The following WWP2 variants were observed in gnomAD, a reference collection of about 807,000 sequenced individuals.
WWP2 encodes NEDD4-like E3 ubiquitin-protein ligase WWP2.
Under a neutral mutation model 121.0 loss-of-function variants are expected in WWP2, and 57 were observed. The ratio of observed to expected loss-of-function variants is 0.47; its 90% CI spans 0.38 to 0.59. The LOEUF is 0.59. Ranked by LOEUF, WWP2 falls within the 20% of genes least tolerant of loss-of-function variation. The probability of loss-of-function intolerance (pLI) is 0.00; values close to 1 mark genes in which losing one functional copy is unlikely to be tolerated. For synonymous variants in WWP2, 449 were observed against 441.3 expected (o/e 1.02, Z -0.22); for missense variants, 962 against 1,158.9 (o/e 0.83, Z 2.47).
Position 69,906,319 on chromosome 16 carries a change from G to A in WWP2, c.915-2442G>A, listed in dbSNP as rs527906305. Among the ~76,000 whole-genome samples, 54 of 152,094 alleles carry A rather than the reference G, an allele frequency of 3.6e-4. 1 individual carries two copies. Among genetic ancestry groups the A allele is most frequent in the African/African-American group, 1.2e-3 (49 of 41,500 alleles). ...GATCTCCTGACCTTGTGATCTGCCC[G>A]CCTTGGCCTCCCACAGTGCTGGGAT... On this transcript the variant is annotated intron_variant, in intron 8 of 23. Coordinates refer to ENST00000359154, the MANE Select transcript of WWP2 (RefSeq NM_001270454.2).
In WWP2 at chr16:69,917,988, G is replaced by A. The variant is rs115316061; in HGVS notation, c.1179+105G>A. The A allele has an allele frequency of 3.4e-3, 4,718 of 1,380,088 alleles. 144 individuals carry two copies. In the African/African-American group the frequency reaches 0.058, roughly 17 times the overall value. 85.5% of individuals were successfully genotyped at this position (1,380,088 alleles called of 1,614,324 possible). A position where few individuals can be genotyped will look rare whatever the true frequency, so the allele number is the denominator to read the frequency against. Reference sequence around the variant, plus strand: ...CTGCTTAGTGAGCAGGGAAAACAGCGTCTGGCAACGTCAGTGCTCTGCCCC... The same window carrying A: ...CTGCTTAGTGAGCAGGGAAAACAGCATCTGGCAACGTCAGTGCTCTGCCCC... On this transcript the variant is annotated intron_variant, in intron 10 of 23. Coordinates refer to ENST00000359154, the MANE Select transcript of WWP2 (RefSeq NM_001270454.2).
At chr16:69,837,163 A>G (rs1039270119) in intron 4 of WWP2, among the ~76,000 whole-genome samples, 6 of 150,470 alleles carry the variant, frequency 4.0e-5, no homozygotes, top group Non-Finnish European at 1.5e-5. Flanking sequence ...GGACTCAAGC[A>G]ATCCATCCTC....
chr16:69,802,130 A>G (rs1403446217), intron 4 of WWP2, among the ~76,000 whole-genome samples: 4 of 151,790 alleles, frequency 2.6e-5, no homozygotes, highest in East Asian at 1.9e-4. Flanking sequence ...GGGTTTCACT[A>G]TGTTGGCCAG....
At chr16:69,927,669 G>A (rs1448657138) in intron 11 of WWP2, among the ~76,000 whole-genome samples, 1 of 152,246 alleles carries the variant, frequency 6.6e-6, no homozygotes, top group African/African-American at 2.4e-5. Context: ...GGGCAGACGT[G>A]GAGGATCTAG....
At chr16:69,801,193 A>C (rs1180903947) in intron 4 of WWP2, among the ~76,000 whole-genome samples, 7 of 149,492 alleles carry the variant, frequency 4.7e-5, no homozygotes, top group Non-Finnish European at 7.4e-5. Flanking sequence ...AAAAAAAAAA[A>C]AAAAGCAATT....
intron 2 of WWP2, among the ~76,000 whole-genome samples, chr16:69,796,425 A>G (rs6499255): frequency 0.34 from 51,117 of 152,138 alleles, 10,789 homozygotes; most frequent in African/African-American, 0.59. Flanking sequence ...GCAGCTAGGC[A>G]AGATCATCTG....
chr16:69,912,159 C>G (rs903581661), intron 9 of WWP2, among the ~76,000 whole-genome samples: 2 of 151,976 alleles, frequency 1.3e-5, no homozygotes, highest in African/African-American at 4.8e-5. Flanking sequence ...CATGGTGGCA[C>G]ACACCTGTAG....
At chr16:69,818,398 G>A (rs2056535640) in intron 4 of WWP2, among the ~76,000 whole-genome samples, 1 of 151,886 alleles carries the variant, frequency 6.6e-6, no homozygotes, top group South Asian at 2.1e-4. Context: ...GTAGAGATGG[G>A]GTTTCACCAT....
At position 69,937,098 on chromosome 16, in the gene WWP2, T is replaced by C. The variant is rs779994047; in HGVS notation, c.2118-20T>C. 1.2e-6 allele frequency: 2 copies of C among 1,613,132 alleles called. No homozygotes were observed. The highest frequency in any genetic ancestry group is 2.2e-5 in the South Asian group (2 of 90,994). ...AGCAGTGGGTCTCAGACTCCACCCA[T>C]GGCTGCTCTTTGGTCTCAGGCTGCT... is the stretch of plus-strand genomic sequence containing the variant. On this transcript the variant is annotated intron_variant, in intron 19 of 23. Transcript: ENST00000359154. The surrounding 1 kb of genome is among the most constrained non-coding windows in gnomAD (Gnocchi z 6.6).
At chr16:69,866,823 T>C (rs1021683673) in intron 6 of WWP2, among the ~76,000 whole-genome samples, 3 of 149,964 alleles carry the variant, frequency 2.0e-5, no homozygotes, top group African/African-American at 7.3e-5. Flanking sequence ...TATTTATTTA[T>C]TTATTTATTT....
intron 4 of WWP2, among the ~76,000 whole-genome samples, chr16:69,831,108 C>T (rs991282699): frequency 2.0e-5 from 3 of 152,150 alleles, no homozygotes. Context: ...TGTTAATGGC[C>T]AAATCAGTCA....
chr16:69,837,596 G>A (rs2056899129), intron 4 of WWP2, among the ~76,000 whole-genome samples: 1 of 152,084 alleles, frequency 6.6e-6, no homozygotes, highest in African/African-American at 2.4e-5. Context: ...AGCAACAAGA[G>A]GCCTTGGGTT....
At chr16:69,918,504 A>G (rs955360706) in intron 10 of WWP2, among the ~76,000 whole-genome samples, 3 of 152,240 alleles carry the variant, frequency 2.0e-5, no homozygotes, top group African/African-American at 7.2e-5. Flanking sequence ...TCGTGGTACA[A>G]TGGTAGAGTT....
chr16:69,925,051 C>T lies in WWP2; in HGVS notation c.1180-379C>T, dbSNP rs984417520. 4.8e-5 allele frequency: 49 copies of T among 1,010,382 alleles called. No individual in the cohort carries two copies. Among genetic ancestry groups the T allele is most frequent in the Admixed American group, 1.8e-4 (3 of 17,096 alleles). 62.6% of individuals were successfully genotyped at this position (1,010,382 alleles called of 1,614,324 possible). Reference sequence around the variant, plus strand: ...TGGTGGTGATTTCAGTCGCCTTGGCCGCCTTGAGCCGGAGCTGAGCGGAGG... The same window carrying T: ...TGGTGGTGATTTCAGTCGCCTTGGCTGCCTTGAGCCGGAGCTGAGCGGAGG... On this transcript the variant is annotated intron_variant, in intron 10 of 23. Transcript: ENST00000359154. The surrounding 1 kb of genome is among the most constrained non-coding windows in gnomAD (Gnocchi z 4.0).
intron 2 of WWP2, among the ~76,000 whole-genome samples, chr16:69,791,869 C>T (rs747311038): frequency 7.2e-5 from 11 of 152,100 alleles, no homozygotes; most frequent in African/African-American, 2.7e-4. Flanking sequence ...AGCCTCTGCA[C>T]CTGTCCAGCA....
At chr16:69,866,465 A>C (rs1176565116) in intron 6 of WWP2, among the ~76,000 whole-genome samples, 1 of 151,294 alleles carries the variant, frequency 6.6e-6, no homozygotes, top group Non-Finnish European at 1.5e-5. Flanking sequence ...TTTCTTCCCT[A>C]TTTCCCCCTC....
At chr16:69,905,162 T>A (rs893962801) in intron 8 of WWP2, among the ~76,000 whole-genome samples, 4 of 152,256 alleles carry the variant, frequency 2.6e-5, no homozygotes, top group Non-Finnish European at 5.9e-5. Context: ...CAGCGCTCTC[T>A]GAGCCTCTCC....
At chr16:69,918,099 A>G (rs574738801) in intron 10 of WWP2, among the ~76,000 whole-genome samples, 2 of 152,196 alleles carry the variant, frequency 1.3e-5, no homozygotes, top group Non-Finnish European at 2.9e-5. Flanking sequence ...GTGTTTAAGG[A>G]ATCAACGTGT....
intron 4 of WWP2, among the ~76,000 whole-genome samples, chr16:69,817,024 A>G (rs1425541570): frequency 6.6e-6 from 1 of 152,206 alleles, no homozygotes; most frequent in Non-Finnish European, 1.5e-5. Flanking sequence ...CTTCCAAGGA[A>G]GAAGGTTAAA....
Sources: allele counts gnomAD v4.1 joint callset (sites outside exome capture counted in the v4.1 genomes callset), GRCh38; gene constraint gnomAD v4.1.1; non-coding constraint Gnocchi (gnomAD v3.1); transcripts MANE v1.5; gene names NCBI Gene and HGNC (gene_info 2026-07-23, HGNC 2026-07-21).